The following APBB1IP variants were observed in gnomAD, a reference collection of about 807,000 sequenced individuals.
APBB1IP encodes amyloid beta A4 precursor protein-binding family B member 1-interacting protein.
In APBB1IP, 27 loss-of-function variants were observed where a neutral mutation model predicts 64.9. The observed-to-expected ratio is 0.42, with a 90% CI of 0.31 to 0.57. APBB1IP has a LOEUF of 0.57. Ranked by LOEUF, APBB1IP falls within the 20% of genes least tolerant of loss-of-function variation. The probability of loss-of-function intolerance (pLI) is 0.20; values close to 1 mark genes in which losing one functional copy is unlikely to be tolerated. For synonymous variants in APBB1IP, 392 were observed against 331.0 expected (o/e 1.18, Z -2.00); for missense variants, 812 against 845.5 (o/e 0.96, Z 0.49).
chr10:26,495,235 T>A (rs1836006697), intron 3 of APBB1IP, among the ~76,000 whole-genome samples: 1 of 151,680 alleles, frequency 6.6e-6, no homozygotes, highest in Admixed American at 6.6e-5. Context: ...CTCTATCTCC[T>A]GATGTTGTGA....
intron 2 of APBB1IP, among the ~76,000 whole-genome samples, chr10:26,469,825 C>T (rs1433232033): frequency 1.3e-5 from 2 of 152,280 alleles, no homozygotes; most frequent in Non-Finnish European, 2.9e-5. Context: ...TCCATGAGTA[C>T]GTGATGTTCA....
intron 8 of APBB1IP, among the ~76,000 whole-genome samples, chr10:26,514,906 T>C (rs1184405956): frequency 4.6e-5 from 7 of 152,026 alleles, no homozygotes; most frequent in Non-Finnish European, 8.8e-5. Flanking sequence ...AAAGTCTTCT[T>C]CTGTTGCCAG....
intron 11 of APBB1IP, among the ~76,000 whole-genome samples, chr10:26,551,155 C>T (rs138233524): frequency 1.2e-4 from 19 of 152,362 alleles, no homozygotes; most frequent in African/African-American, 4.6e-4. Context: ...AGGTGAGCCA[C>T]TGCCAAATTT....
chr10:26,515,643 T>G (rs926795270), intron 8 of APBB1IP, among the ~76,000 whole-genome samples: 2 of 152,194 alleles, frequency 1.3e-5, no homozygotes, highest in African/African-American at 4.8e-5. Context: ...CCAAGAGTCA[T>G]GCAACATGGC....
intron 2 of APBB1IP, among the ~76,000 whole-genome samples, chr10:26,449,569 A>T (rs1564347724): frequency 2.0e-5 from 3 of 152,180 alleles, no homozygotes; most frequent in Admixed American, 2.0e-4. Flanking sequence ...TTCTTTCTAA[A>T]TTCCAGTTGA....
At chr10:26,504,555 C>G (rs1369608771) in intron 6 of APBB1IP, among the ~76,000 whole-genome samples, 1 of 151,866 alleles carries the variant, frequency 6.6e-6, no homozygotes, top group Admixed American at 6.6e-5. Context: ...ACTAAAAGTA[C>G]AAAAATTAGC....
intron 2 of APBB1IP, among the ~76,000 whole-genome samples, chr10:26,453,517 T>TGCTTGC (rs1835487839): frequency 6.6e-6 from 1 of 152,066 alleles, no homozygotes; most frequent in African/African-American, 2.4e-5. Context: ...CTCCATCCAC[T>TGCTTGC]CATTCATCTC....
chr10:26,489,267 G>T (rs150565451), intron 2 of APBB1IP, among the ~76,000 whole-genome samples: 2 of 152,176 alleles, frequency 1.3e-5, no homozygotes, highest in Non-Finnish European at 2.9e-5. Flanking sequence ...CTAGAAGGAC[G>T]GCAAAAGAAA....
At chr10:26,441,128 C>T (rs979927475) in intron 2 of APBB1IP, among the ~76,000 whole-genome samples, 1 of 152,238 alleles carries the variant, frequency 6.6e-6, no homozygotes, top group Non-Finnish European at 1.5e-5. Context: ...GGTATCTTCT[C>T]AGTATGAAAA....
chr10:26,516,748 T>C (rs926845543), intron 8 of APBB1IP, among the ~76,000 whole-genome samples: 29 of 152,050 alleles, frequency 1.9e-4, no homozygotes, highest in East Asian at 5.8e-4. Flanking sequence ...CTTTTATTTG[T>C]AGCTGTCTGT....
chr10:26,488,421 A>G (rs575882746), intron 2 of APBB1IP, among the ~76,000 whole-genome samples: 9 of 152,096 alleles, frequency 5.9e-5, no homozygotes, highest in Non-Finnish European at 1.3e-4. Flanking sequence ...TTTTTTGTAC[A>G]GAAGTTTCTC....
At chr10:26,542,814 T>C (rs7918422) in intron 11 of APBB1IP, among the ~76,000 whole-genome samples, 15,771 of 151,476 alleles carry the variant, frequency 0.1, 1,441 homozygotes, top group African/African-American at 0.24. Context: ...TTACAGATAA[T>C]ATTAATAATA....
At chr10:26,454,858 A>C (rs1474266239) in intron 2 of APBB1IP, among the ~76,000 whole-genome samples, 3 of 152,242 alleles carry the variant, frequency 2.0e-5, no homozygotes, top group Non-Finnish European at 4.4e-5. Flanking sequence ...AATTAAAAAC[A>C]GAGTGAGATA....
At chr10:26,493,961 C>T (rs1042307092) in intron 3 of APBB1IP, among the ~76,000 whole-genome samples, 1 of 152,114 alleles carries the variant, frequency 6.6e-6, no homozygotes, top group Non-Finnish European at 1.5e-5. Context: ...CTCAGCCTCC[C>T]AAGTAGCAGG....
chr10:26,462,759 A>G (rs959411847), intron 2 of APBB1IP, among the ~76,000 whole-genome samples: 2 of 152,146 alleles, frequency 1.3e-5, no homozygotes, highest in Admixed American at 6.5e-5. Context: ...GAAGACAGCA[A>G]TTGGAATTTC....
chr10:26,509,250 G>A (rs969699161), intron 6 of APBB1IP, among the ~76,000 whole-genome samples: 1 of 152,138 alleles, frequency 6.6e-6, no homozygotes, highest in East Asian at 1.9e-4. Flanking sequence ...CAGGGAAAAA[G>A]CAACTATCCA....
chr10:26,554,934 T>C (rs1289439759), intron 11 of APBB1IP, among the ~76,000 whole-genome samples: 1 of 152,124 alleles, frequency 6.6e-6, no homozygotes. Flanking sequence ...TGACTTCATC[T>C]TAACTTTATT....
intron 11 of APBB1IP, among the ~76,000 whole-genome samples, chr10:26,542,753 C>T (rs1836712063): frequency 6.9e-6 from 1 of 144,092 alleles, no homozygotes; most frequent in Non-Finnish European, 1.5e-5. Flanking sequence ...GACTTTCATT[C>T]AGATGTCCTA....
intron 2 of APBB1IP, among the ~76,000 whole-genome samples, chr10:26,489,709 A>G (rs1396436104): frequency 6.6e-6 from 1 of 152,180 alleles, no homozygotes; most frequent in Non-Finnish European, 1.5e-5. Context: ...ACATCACTTC[A>G]CTTTTAAGAA....
Sources: allele counts gnomAD v4.1 joint callset (sites outside exome capture counted in the v4.1 genomes callset), GRCh38; gene constraint gnomAD v4.1.1; transcripts MANE v1.5; gene names NCBI Gene and HGNC (gene_info 2026-07-23, HGNC 2026-07-21).